Variants in MATR3 observed in about 807,000 individuals in gnomAD.
The protein encoded by MATR3 is matrin 3.
Under a neutral mutation model 85.5 loss-of-function variants are expected in MATR3, and 4 were observed. That is an observed-to-expected ratio of 0.05 (90% CI 0.02 to 0.11). The LOEUF (loss-of-function observed/expected upper bound fraction) is 0.11, where lower values mean the gene tolerates loss of function less well. Ranked by LOEUF, MATR3 falls within the 10% of genes least tolerant of loss-of-function variation. MATR3 has a pLI of 1.00. For synonymous variants in MATR3, 336 were observed against 343.1 expected, an observed-to-expected ratio of 0.98 and a Z score of 0.23; for missense variants, 685 against 1,016.1, an observed-to-expected ratio of 0.67 and a Z score of 4.43.
At chr5:139,285,895 C>T (rs1378202478) in intron 3 of MATR3, among the ~76,000 whole-genome samples, 1 of 152,096 alleles carries the variant, frequency 6.6e-6, no homozygotes, top group Non-Finnish European at 1.5e-5. Context: ...AAAGTGAAGC[C>T]TATGGGACAC....
intron 14 of MATR3, among the ~76,000 whole-genome samples, chr5:139,327,863 TA>T (rs758455776): frequency 3.3e-5 from 5 of 152,036 alleles, no homozygotes; most frequent in African/African-American, 7.2e-5. Flanking sequence ...ATATTTTATT[TA>T]TTTTTTTTTT....
At chr5:139,284,334 CG>C (rs1384498877) in intron 3 of MATR3, among the ~76,000 whole-genome samples, 10 of 152,054 alleles carry the variant, frequency 6.6e-5, no homozygotes, top group African/African-American at 2.4e-4. Flanking sequence ...TGGATTTGGC[CG>C]GGCGCGGTTG....
chr5:139,315,801 C>CT lies in MATR3; in HGVS notation c.1016+66dup, dbSNP rs1397022899. The CT allele has an allele frequency of 2.1e-5, 27 of 1,287,780 alleles. No homozygotes were observed. In the African/African-American group the frequency reaches 2.2e-4, roughly 10 times the overall value. The allele number at this position is 1,287,780 out of a possible 1,614,324, so 79.8% of individuals were successfully genotyped here. ...ATCAATGTAAGGAATTCAGGTTTCA[C>CT]TTTCAACATTTCATAAACAAAGTAT... On this transcript the variant is annotated intron_variant, in intron 4 of 14. Transcript: ENST00000394805.
In MATR3 at chr5:139,307,430, C is replaced by T. The variant is rs184609870; in HGVS notation, c.15C>T (p.Phe5=). Residue 5 remains phenylalanine (F), a synonymous_variant, in exon 2 of 15, where the codon TTC becomes TTT. Transcript: ENST00000394805. The surrounding 1 kb of genome is among the most constrained non-coding windows in gnomAD (Gnocchi z 4.4). The part of the protein sequence containing the change: MSKS[F]QQSSLSRDSQ... ...CTAGTTCTACAATGTCCAAGTCATTCCAGCAGTCATCTCTCAGTAGGGACT... is the reference window on the plus strand; with the variant it reads ...CTAGTTCTACAATGTCCAAGTCATTTCAGCAGTCATCTCTCAGTAGGGACT... 22 of 1,613,846 alleles carry T rather than the reference C, an allele frequency of 1.4e-5. No homozygotes were observed. The African/African-American group carries it at 2.4e-4, about 18-fold the overall frequency.
chr5:139,300,574 GT>G (rs1288360511), intron 1 of MATR3, among the ~76,000 whole-genome samples: 4 of 152,154 alleles, frequency 2.6e-5, no homozygotes, highest in Admixed American at 1.3e-4. Flanking sequence ...TACCTTCTTA[GT>G]TTTATGAGGA....
intron 2 of MATR3, chr5:139,313,761 GT>G (rs1356496817): frequency 1.4e-4 from 21 of 152,032 alleles, no homozygotes; most frequent in African/African-American, 4.8e-4. Flanking sequence ...AATGGGATTC[GT>G]TTTCTAGAAA....
intron 12 of MATR3, among the ~76,000 whole-genome samples, chr5:139,324,478 A>G (rs1379990101): frequency 1.3e-5 from 2 of 151,898 alleles, no homozygotes; most frequent in Admixed American, 6.6e-5. Flanking sequence ...TTTAGTAGAA[A>G]CGAGGTTTCG....
intron 3 of MATR3, among the ~76,000 whole-genome samples, chr5:139,280,322 A>C (rs1452773469): frequency 6.6e-6 from 1 of 152,244 alleles, no homozygotes; most frequent in African/African-American, 2.4e-5. Flanking sequence ...ATGGTTTGCC[A>C]ACCTCTGTCC....
In MATR3 at chr5:139,330,155, T is replaced by C. The variant is rs1446353306; in HGVS notation, c.*760T>C. 2.2e-6 allele frequency: 1 copy of C among 454,388 alleles called. No homozygotes were observed. The highest frequency in any genetic ancestry group is 2.0e-5 in the African/African-American group (1 of 49,988). 28.1% of individuals were successfully genotyped at this position (454,388 alleles called of 1,614,324 possible). On this transcript the variant is annotated 3_prime_UTR_variant, in exon 15 of 15. Coordinates refer to ENST00000394805, the MANE Select transcript of MATR3 (RefSeq NM_018834.6). Reference sequence around the variant, plus strand: ...CATACATCTCTGGTATAAGCAACATTTGATTTTTGAAGTGTGTAGACCATC... The same window carrying C: ...CATACATCTCTGGTATAAGCAACATCTGATTTTTGAAGTGTGTAGACCATC...
intron 2 of MATR3, among the ~76,000 whole-genome samples, chr5:139,277,705 T>G (rs977127211): frequency 6.6e-6 from 1 of 151,994 alleles, no homozygotes. Context: ...GAGCTGCTAT[T>G]TTAGACCAGG....
At position 139,308,115 on chromosome 5, in the gene MATR3, T is replaced by A; in HGVS notation, c.700T>A (p.Ser234Thr). 1 of 1,614,024 alleles carries A rather than the reference T, an allele frequency of 6.2e-7. No individual in the cohort carries two copies. Among genetic ancestry groups the A allele is most frequent in the Non-Finnish European group, 8.5e-7 (1 of 1,179,988 alleles). The change falls in exon 2 of 15, where the codon TCT becomes ACT. Residue 234 changes from serine to threonine, a missense_variant. Around this residue, in one of 9 missense-constraint regions of MATR3, gnomAD observed 223 missense variants for 334.4 expected, o/e 0.67. Transcript: ENST00000394805. The stretch of plus-strand genomic sequence containing the variant: ...AGATGGAGAAAGGTGTAGGGATGAT[T>A]CTTTTTTTGGTGAGACCTCGCATAA... ...LRDGERCRDDSFFGETSHNYH... is the reference protein window; with the variant it reads ...LRDGERCRDDTFFGETSHNYH...
chr5:139,321,718 C>A (rs779733486), intron 9 of MATR3, 180 bp from the exon 10 acceptor site: 10 of 636,934 alleles, frequency 1.6e-5, no homozygotes, highest in Non-Finnish European at 2.4e-5. Flanking sequence ...AGTACATCAA[C>A]GCTTCAGCAA....
At chr5:139,278,570 A>C (rs1308572633) in intron 2 of MATR3, 3 of 358,064 alleles carry the variant, frequency 8.4e-6, no homozygotes, top group Non-Finnish European at 1.7e-5. Context: ...GCTAGATCCC[A>C]ATCGCAGTGC....
rs1401117608 is a variant in MATR3, at chr5:139,331,677, A to G, written c.*2282A>G. ...GAATGAAACTTCTAGAAGTACCTTG[A>G]GTTTGTTTTACAGTTCTTTTTTATT... On this transcript the variant is annotated 3_prime_UTR_variant, in exon 15 of 15. Coordinates refer to ENST00000394805, the MANE Select transcript of MATR3 (RefSeq NM_018834.6). The G allele has an allele frequency of 2.3e-6, 1 of 437,670 alleles. No homozygotes were observed. The allele number at this position is 437,670 out of a possible 1,614,324, so 27.1% of individuals were successfully genotyped here. A position where few individuals can be genotyped will look rare whatever the true frequency, so the allele number is the denominator to read the frequency against.
chr5:139,324,290 G>GT (rs767660135), intron 12 of MATR3, among the ~76,000 whole-genome samples: 53,245 of 107,714 alleles, frequency 0.49, 15,461 homozygotes, highest in Admixed American at 0.61. Flanking sequence ...GAGCATGATT[G>GT]TTTTTTTTTT....
chr5:139,326,044 G>A, intron 13 of MATR3, 119 bp from the exon 14 acceptor site: 2 of 922,256 alleles, frequency 2.2e-6, no homozygotes, highest in South Asian at 1.6e-5. Flanking sequence ...TTTTATCTTA[G>A]GCTGTATTGG....
chr5:139,309,164 T>C (rs1312228332), intron 2 of MATR3, among the ~76,000 whole-genome samples: 6 of 152,216 alleles, frequency 3.9e-5, no homozygotes, highest in Non-Finnish European at 8.8e-5. Flanking sequence ...AAAATGCCCT[T>C]TTAAATATGT....
At chr5:139,320,744 T>C (rs1006805061) in intron 9 of MATR3, among the ~76,000 whole-genome samples, 6 of 62,262 alleles carry the variant, frequency 9.6e-5, no homozygotes, top group African/African-American at 2.9e-4. Context: ...AGCTTATTAC[T>C]TTTTTTTTTT....
In MATR3 at chr5:139,293,783, TTTTCCCTCTCCC is replaced by T; in HGVS notation, c.-192_-181del. On this transcript the variant is annotated 5_prime_UTR_variant, in exon 1 of 15. Coordinates refer to ENST00000394805, the MANE Select transcript of MATR3 (RefSeq NM_018834.6). ...CTCGCTGGGAGAGAGGTACCTCTCC[TTTTCCCTCTCCC>T]TTTCCCTAAGGTAGGCGTGAAGCGG... is the stretch of plus-strand genomic sequence containing the variant. 2 of 395,182 alleles carry T rather than the reference TTTTCCCTCTCCC, an allele frequency of 5.1e-6. No individual in the cohort carries two copies. The highest frequency in any genetic ancestry group is 2.1e-5 in the African/African-American group (1 of 48,588). 24.5% of individuals were successfully genotyped at this position (395,182 alleles called of 1,614,324 possible).
Sources: gnomAD v4.1 joint callset for allele counts (sites outside exome capture counted in the v4.1 genomes callset) on GRCh38, gnomAD v4.1.1 for gene constraint, gnomAD v4.1.1 regional missense constraint, Gnocchi (gnomAD v3.1) non-coding constraint, MANE v1.5 for transcripts, NCBI Gene and HGNC (gene_info 2026-07-23, HGNC 2026-07-21) for gene names.